Variants in XPO7 observed in about 807,000 individuals in gnomAD.
The protein encoded by XPO7 is exportin 7.
A neutral mutation model predicts 144.3 loss-of-function variants in XPO7; 21 were observed. The observed-to-expected ratio is 0.15, with a 90% CI of 0.10 to 0.21. XPO7 has a LOEUF of 0.21. XPO7 is among the 10% of genes least tolerant of loss of function. The pLI is 1.00. For synonymous variants in XPO7, 580 were observed against 499.6 expected (o/e 1.16, Z -2.15); for missense variants, 808 against 1,325.8 (o/e 0.61, Z 6.06).
At chr8:21,970,523 A>G (rs1262894531) in intron 4 of XPO7, among the ~76,000 whole-genome samples, 3 of 152,220 alleles carry the variant, frequency 2.0e-5, no homozygotes, top group Non-Finnish European at 4.4e-5. Context: ...ACCATGTCTC[A>G]GTCTTTCAAA....
intron 7 of XPO7, 43 bp downstream of exon 7, chr8:21,976,564 C>G (rs754572793): frequency 6.4e-7 from 1 of 1,571,884 alleles, no homozygotes; most frequent in Non-Finnish European, 8.6e-7. Flanking sequence ...TGTCACTCCC[C>G]TACAGAGTGT....
intron 1 of XPO7, among the ~76,000 whole-genome samples, chr8:21,958,492 AGTT>A (rs1233301468): frequency 6.6e-6 from 1 of 152,146 alleles, no homozygotes; most frequent in East Asian, 1.9e-4. Flanking sequence ...TTTCACCATA[AGTT>A]ACATCACAGC....
intron 9 of XPO7, 140 bp from the exon 10 acceptor site, chr8:21,981,591 A>G (rs1585465292): frequency 9.0e-6 from 9 of 999,090 alleles, no homozygotes; most frequent in East Asian, 7.6e-5. Context: ...ATGCAGACGT[A>G]TCATTCTGAA....
rs752271828 is a variant in XPO7 at position 21,967,014 on chromosome 8, T to C, written c.165+11T>C. 19 of 1,610,988 alleles carry C rather than the reference T, an allele frequency of 1.2e-5. No individual in the cohort carries two copies. Among genetic ancestry groups the C allele is most frequent in the Non-Finnish European group, 1.5e-5 (18 of 1,178,398 alleles). ...CTCGAAAGAGGAAGTGTGCGTAAGA[T>C]CTGAAAATCCTAAAGGATAACAGGC... On this transcript the variant is annotated intron_variant, in intron 2 of 27. Transcript: ENST00000252512.
chr8:22,001,573 G>A (rs6988010), intron 24 of XPO7, among the ~76,000 whole-genome samples: 87,575 of 151,930 alleles, frequency 0.58, 25,840 homozygotes, highest in African/African-American at 0.72. Flanking sequence ...AAACATTCAG[G>A]GGCTACGTCA....
At chr8:21,996,673 AC>A in intron 21 of XPO7, among the ~76,000 whole-genome samples, 1 of 152,334 alleles carries the variant, frequency 6.6e-6, no homozygotes, top group East Asian at 1.9e-4. Flanking sequence ...GATTTTCAAA[AC>A]AATTTAAGGA....
intron 16 of XPO7, among the ~76,000 whole-genome samples, chr8:21,989,866 T>TTTTTTTTTTTTTTTTTTTG (rs1812707632): frequency 9.6e-6 from 1 of 104,314 alleles, no homozygotes; most frequent in Non-Finnish European, 1.8e-5. Context: ...TTTTTTTTTT[T>TTTTTTTTTTTTTTTTTTTG]TGAGATGGAG....
intron 9 of XPO7, among the ~76,000 whole-genome samples, chr8:21,980,998 G>A (rs1381593934): frequency 1.6e-5 from 2 of 128,070 alleles, no homozygotes; most frequent in Admixed American, 7.4e-5. Context: ...AAATTAAAAA[G>A]CAGTTTATTT....
At chr8:21,933,849 A>G in intron 1 of XPO7, among the ~76,000 whole-genome samples, 1 of 152,200 alleles carries the variant, frequency 6.6e-6, no homozygotes, top group East Asian at 1.9e-4. Context: ...TTAGAGTGTG[A>G]TTATGCAGTA....
intron 1 of XPO7, among the ~76,000 whole-genome samples, chr8:21,949,956 C>G (rs1187559452): frequency 6.6e-6 from 1 of 152,184 alleles, no homozygotes; most frequent in Non-Finnish European, 1.5e-5. Flanking sequence ...AACTCCTGAC[C>G]TCAGGTGATC....
intron 1 of XPO7, among the ~76,000 whole-genome samples, chr8:21,961,293 T>G (rs541332939): frequency 5.4e-4 from 82 of 151,762 alleles, no homozygotes; most frequent in African/African-American, 1.9e-3. Context: ...CACTGCAGTC[T>G]TGACCTTCCA....
In XPO7 at chr8:21,974,699, C is replaced by T. The variant is rs756795868; in HGVS notation, c.522C>T (p.His174=). Residue 174 remains histidine, a synonymous_variant, in exon 6 of 28, where the codon CAC becomes CAT. Transcript: ENST00000252512. Reference sequence around the variant, plus strand: ...ACACCACCCATCCTTTAACCAAGCACAGAAAAATAGCCTCTTCTTTTCGCG... The same window carrying T: ...ACACCACCCATCCTTTAACCAAGCATAGAAAAATAGCCTCTTCTTTTCGCG... The part of the protein sequence containing the change: ...QADTTHPLTK[H]RKIASSFRDS... 12 of 1,594,216 alleles carry T rather than the reference C, an allele frequency of 7.5e-6. No homozygotes were observed. The highest frequency in any genetic ancestry group is 9.4e-6 in the Non-Finnish European group (11 of 1,169,842).
chr8:21,941,321 A>G (rs1810985707), intron 1 of XPO7, among the ~76,000 whole-genome samples: 2 of 151,802 alleles, frequency 1.3e-5, no homozygotes, highest in East Asian at 3.9e-4. Context: ...ACTAGTTAAG[A>G]AAATTTTTTT....
intron 24 of XPO7, among the ~76,000 whole-genome samples, 167 bp from the exon 25 acceptor site, chr8:22,001,945 T>C (rs1296782107): frequency 6.6e-6 from 1 of 152,208 alleles, no homozygotes; most frequent in Non-Finnish European, 1.5e-5. Context: ...AACTTAGAAA[T>C]TGAGCCCTAC....
At chr8:21,971,385 T>C (rs929091451) in intron 4 of XPO7, among the ~76,000 whole-genome samples, 2 of 152,220 alleles carry the variant, frequency 1.3e-5, no homozygotes, top group South Asian at 2.1e-4. Context: ...TCTAATTTAA[T>C]AGGTTAAAAA....
At chr8:21,951,850 G>C (rs982143542) in intron 1 of XPO7, among the ~76,000 whole-genome samples, 1 of 152,060 alleles carries the variant, frequency 6.6e-6, no homozygotes. Context: ...CATTAATTAC[G>C]AGTCTTACAG....
At chr8:21,971,832 A>C (rs1812070580) in intron 4 of XPO7, 44 bp from the exon 5 acceptor site, 2 of 1,557,896 alleles carry the variant, frequency 1.3e-6, no homozygotes, top group Non-Finnish European at 1.8e-6. Context: ...GCCAAAACCA[A>C]GCACACATGA....
chr8:21,931,035 G>T (rs972837693), intron 1 of XPO7, among the ~76,000 whole-genome samples: 3 of 151,900 alleles, frequency 2.0e-5, no homozygotes, highest in Admixed American at 6.6e-5. Flanking sequence ...GTAGAGACAG[G>T]GTTTCATCAT....
intron 11 of XPO7, 65 bp from the exon 12 acceptor site, chr8:21,984,581 G>C (rs1026708840): frequency 2.1e-6 from 3 of 1,428,364 alleles, no homozygotes; most frequent in South Asian, 1.4e-5. Context: ...TCAGAGAGCT[G>C]CTATATTGGG....
Sources: allele counts gnomAD v4.1 joint callset (sites outside exome capture counted in the v4.1 genomes callset), GRCh38; gene constraint gnomAD v4.1.1; transcripts MANE v1.5; gene names NCBI Gene and HGNC (gene_info 2026-07-23, HGNC 2026-07-21).